The following PPARGC1A variants were observed in gnomAD, a reference collection of about 807,000 sequenced individuals.
The protein encoded by PPARGC1A is peroxisome proliferator-activated receptor gamma coactivator 1-alpha.
In PPARGC1A, 25 loss-of-function variants were observed where a neutral mutation model predicts 88.7. The observed-to-expected ratio is 0.28, with a 90% confidence interval of 0.21 to 0.39. The LOEUF (loss-of-function observed/expected upper bound fraction) is 0.39. Ranked by LOEUF, PPARGC1A falls within the 10% of genes least tolerant of loss-of-function variation. The pLI, the probability that PPARGC1A is intolerant of heterozygous loss-of-function variation, is 1.00. For missense variants in PPARGC1A, 880 were observed against 968.7 expected (o/e 0.91, Z 1.22); for synonymous variants, 363 against 355.6 (o/e 1.02, Z -0.24).
At chr4:23,914,491 G>A in the PPARGC1A span, among the ~76,000 whole-genome samples, 1 of 152,144 alleles carries the variant, frequency 6.6e-6, no homozygotes, top group Non-Finnish European at 1.5e-5. Flanking sequence ...CCACAGTCCT[G>A]CAAAGGCCTT....
the PPARGC1A span, among the ~76,000 whole-genome samples, chr4:24,309,487 G>A: frequency 1.3e-5 from 2 of 152,280 alleles, no homozygotes; most frequent in Admixed American, 1.3e-4. Context: ...AAATGGCGAT[G>A]TGGACCATGG....
the PPARGC1A span, among the ~76,000 whole-genome samples, chr4:24,279,528 CGTT>C: frequency 8.5e-5 from 13 of 152,120 alleles, no homozygotes. Context: ...CATTTGTTAT[CGTT>C]GTGTCTAGCT....
At chr4:24,400,027 C>T in the PPARGC1A span, among the ~76,000 whole-genome samples, 6 of 80,274 alleles carry the variant, frequency 7.5e-5, no homozygotes, top group Non-Finnish European at 1.2e-4. Flanking sequence ...TCAAGTGATC[C>T]ACCCCGCCTC....
chr4:23,999,089 G>A, the PPARGC1A span, among the ~76,000 whole-genome samples: 1 of 152,172 alleles, frequency 6.6e-6, no homozygotes, highest in Non-Finnish European at 1.5e-5. Flanking sequence ...GCTGGTTACA[G>A]ACAACAAAGA....
chr4:24,341,302 T>G, the PPARGC1A span, among the ~76,000 whole-genome samples: 4 of 151,854 alleles, frequency 2.6e-5, no homozygotes, highest in African/African-American at 9.7e-5. Context: ...TTATCACCAC[T>G]AAAAATCTGC....
chr4:24,253,062 A>G, the PPARGC1A span, among the ~76,000 whole-genome samples: 2 of 152,304 alleles, frequency 1.3e-5, no homozygotes, highest in Admixed American at 6.5e-5. Flanking sequence ...ATAATGGTCA[A>G]GGGAATTTAT....
the PPARGC1A span, among the ~76,000 whole-genome samples, chr4:24,091,159 A>G: frequency 6.6e-6 from 1 of 152,232 alleles, no homozygotes. Flanking sequence ...CACAAACCAA[A>G]TCTGCATGTT....
At chr4:24,436,428 C>T in the PPARGC1A span, among the ~76,000 whole-genome samples, 1 of 152,190 alleles carries the variant, frequency 6.6e-6, no homozygotes, top group Non-Finnish European at 1.5e-5. Flanking sequence ...TCCCATAGCC[C>T]TGGTCACAGA....
the PPARGC1A span, among the ~76,000 whole-genome samples, chr4:24,030,104 C>A: frequency 6.6e-6 from 1 of 152,198 alleles, no homozygotes. Context: ...GACAACAGAC[C>A]ATTGACCAAC....
At chr4:24,456,370 G>C in the PPARGC1A span, among the ~76,000 whole-genome samples, 1 of 152,146 alleles carries the variant, frequency 6.6e-6, no homozygotes, top group Non-Finnish European at 1.5e-5. Context: ...ATCCTTACCT[G>C]GAAGGAAGCC....
At chr4:23,920,600 A>G in the PPARGC1A span, among the ~76,000 whole-genome samples, 4 of 152,276 alleles carry the variant, frequency 2.6e-5, 1 homozygote, top group East Asian at 7.7e-4. Context: ...GTACAGTTCA[A>G]AGCTTCATTT....
chr4:24,099,179 G>A, the PPARGC1A span, among the ~76,000 whole-genome samples: 14 of 150,462 alleles, frequency 9.3e-5, no homozygotes, highest in Non-Finnish European at 1.9e-4. Flanking sequence ...AAACTAATGA[G>A]TAGAGTGGGA....
At chr4:24,348,143 T>C in the PPARGC1A span, among the ~76,000 whole-genome samples, 2 of 152,240 alleles carry the variant, frequency 1.3e-5, no homozygotes, top group Admixed American at 6.5e-5. Context: ...CCCCAATCCC[T>C]TCTAGCTTGT....
chr4:24,162,849 C>A, the PPARGC1A span, among the ~76,000 whole-genome samples: 1 of 151,950 alleles, frequency 6.6e-6, no homozygotes, highest in Non-Finnish European at 1.5e-5. Context: ...CCAACTCGGC[C>A]TCCCAAAGTG....
chr4:24,245,009 G>A, the PPARGC1A span, among the ~76,000 whole-genome samples: 2 of 152,094 alleles, frequency 1.3e-5, no homozygotes, highest in African/African-American at 4.8e-5. Context: ...GAAAGAACAG[G>A]CGAGGAAGAA....
the PPARGC1A span, among the ~76,000 whole-genome samples, chr4:24,277,761 G>T: frequency 2.0e-5 from 3 of 152,100 alleles, no homozygotes; most frequent in African/African-American, 7.2e-5. Context: ...GGGGGTCGAG[G>T]ACAGAGTACC....
the PPARGC1A span, among the ~76,000 whole-genome samples, chr4:24,119,127 C>T: frequency 3.9e-5 from 6 of 152,268 alleles, no homozygotes; most frequent in African/African-American, 9.6e-5. Flanking sequence ...GCTTTCCTTA[C>T]GCAGTGAGGG....
the PPARGC1A span, among the ~76,000 whole-genome samples, chr4:24,107,708 G>T: frequency 1.5e-4 from 23 of 152,294 alleles, no homozygotes; most frequent in East Asian, 4.4e-3. Context: ...AATATCAGTT[G>T]TAGTGTGTAC....
the PPARGC1A span, among the ~76,000 whole-genome samples, chr4:24,461,834 C>T: frequency 6.6e-6 from 1 of 152,176 alleles, no homozygotes; most frequent in Admixed American, 6.5e-5. Context: ...CTCCCAGATG[C>T]TCTCCATTTC....
Sources: gnomAD v4.1 joint callset for allele counts (sites outside exome capture counted in the v4.1 genomes callset) on GRCh38, gnomAD v4.1.1 for gene constraint, MANE v1.5 for transcripts, NCBI Gene and HGNC (gene_info 2026-07-23, HGNC 2026-07-21) for gene names.